Variants in ABCB1 observed in about 807,000 individuals in gnomAD.
ABCB1 encodes ATP binding cassette subfamily B member 1.
A neutral mutation model predicts 142.0 loss-of-function variants in ABCB1; 69 were observed. The ratio of observed to expected loss-of-function variants is 0.49; its 90% CI spans 0.40 to 0.59. The LOEUF (loss-of-function observed/expected upper bound fraction) is 0.59, where lower values mean the gene tolerates loss of function less well. ABCB1 is among the 20% of genes least tolerant of loss of function. ABCB1 has a pLI of 0.00. For missense variants in ABCB1, 1,326 were observed against 1,554.7 expected (o/e 0.85, Z 2.47); for synonymous variants, 532 against 539.2 (o/e 0.99, Z 0.18).
chr7:87,613,257 C>CTTTTTTTT (rs67823385), intron 1 of ABCB1, among the ~76,000 whole-genome samples: 3,768 of 64,012 alleles, frequency 0.059, 10 homozygotes, highest in Middle Eastern at 0.13. Flanking sequence ...TCCTTTATTT[C>CTTTTTTTT]TTTTTTTTTT....
rs1010312205 is a variant in ABCB1, at chr7:87,549,265, T to C, written c.1725+83A>G. 100 of 1,561,526 alleles carry C rather than the reference T, an allele frequency of 6.4e-5. 1 individual carries two copies. The highest frequency in any genetic ancestry group is 4.6e-5 in the Non-Finnish European group (52 of 1,142,386). On this transcript the variant is annotated intron_variant, in intron 14 of 27. Coordinates refer to ENST00000622132, the MANE Select transcript of ABCB1 (RefSeq NM_001348946.2). ...CTAGAAGCTATCAGAAATTTCCTTT[T>C]CTAAGACCAATATTAACAAGAATTA...
At chr7:87,570,145 A>G (rs200223027) in intron 5 of ABCB1, 27 bp downstream of exon 5, 33 of 1,602,218 alleles carry the variant, frequency 2.1e-5, no homozygotes, top group Non-Finnish European at 2.8e-5. Flanking sequence ...GAAAAACTTA[A>G]CAATAGTAAG....
At chr7:87,575,769 C>G (rs1818246239) in intron 4 of ABCB1, among the ~76,000 whole-genome samples, 1 of 152,118 alleles carries the variant, frequency 6.6e-6, no homozygotes, top group South Asian at 2.1e-4. Context: ...GTTTATATAC[C>G]TCTGGCCTGA....
chr7:87,576,458 T>G (rs1296074875), intron 4 of ABCB1, among the ~76,000 whole-genome samples: 3 of 149,486 alleles, frequency 2.0e-5, no homozygotes, highest in Non-Finnish European at 4.4e-5. Context: ...TATATGTAAG[T>G]ATATATAGAT....
At position 87,595,400 on chromosome 7, in the gene ABCB1, T is replaced by C. The variant is rs28381815; in HGVS notation, c.117+366A>G. ...ATAAATAATCCATTGCTAACTTTTA[T>C]TGATAGCAACTGACTTTGACCTAAA... On this transcript the variant is annotated intron_variant, in intron 3 of 27. Coordinates refer to ENST00000622132, the MANE Select transcript of ABCB1 (RefSeq NM_001348946.2). Among the ~76,000 whole-genome samples, 110 of 152,208 alleles carry C rather than the reference T, an allele frequency of 7.2e-4. No homozygotes were observed. The Middle Eastern group carries it at 0.014, about 19-fold the overall frequency.
At chr7:87,520,166 A>G (rs1444942496) in intron 22 of ABCB1, among the ~76,000 whole-genome samples, 4 of 152,164 alleles carry the variant, frequency 2.6e-5, no homozygotes, top group Admixed American at 6.5e-5. Flanking sequence ...TACCTTCATC[A>G]CATATGAAGA....
At chr7:87,642,410 T>A (rs1444968184) in intron 1 of ABCB1, among the ~76,000 whole-genome samples, 2 of 152,098 alleles carry the variant, frequency 1.3e-5, no homozygotes, top group Non-Finnish European at 2.9e-5. Context: ...GTATTCTATT[T>A]GAATATTTTC....
intron 3 of ABCB1, among the ~76,000 whole-genome samples, chr7:87,592,167 A>G (rs1366320162): frequency 2.0e-5 from 3 of 152,202 alleles, no homozygotes; most frequent in African/African-American, 7.2e-5. Flanking sequence ...CATGAAGGGC[A>G]TCAGTGCCTT....
chr7:87,562,687 A>G (rs951943492), intron 7 of ABCB1, among the ~76,000 whole-genome samples: 1 of 151,854 alleles, frequency 6.6e-6, no homozygotes, highest in Non-Finnish European at 1.5e-5. Context: ...ATGACCTTCC[A>G]TCATTATAAG....
intron 1 of ABCB1, chr7:87,650,970 C>T: frequency 8.0e-7 from 1 of 1,247,890 alleles, no homozygotes; most frequent in Non-Finnish European, 1.2e-6. Flanking sequence ...TATTTTCCCA[C>T]CAGCTGTCTT....
chr7:87,630,027 A>G (rs1448643753), intron 1 of ABCB1, among the ~76,000 whole-genome samples: 2 of 152,206 alleles, frequency 1.3e-5, no homozygotes, highest in Non-Finnish European at 2.9e-5. Flanking sequence ...GTATTAAGAA[A>G]AATTGAAACC....
At chr7:87,607,157 T>C (rs1819683808) in intron 1 of ABCB1, among the ~76,000 whole-genome samples, 1 of 152,196 alleles carries the variant, frequency 6.6e-6, no homozygotes, top group Non-Finnish European at 1.5e-5. Context: ...GGTCATCAAC[T>C]GTCTATATAA....
At chr7:87,598,184 T>A (rs1263962575) in intron 2 of ABCB1, among the ~76,000 whole-genome samples, 1 of 152,204 alleles carries the variant, frequency 6.6e-6, no homozygotes, top group Non-Finnish European at 1.5e-5. Flanking sequence ...ACATATTGAG[T>A]TCTATAAAAT....
At chr7:87,644,042 A>G (rs1822729734) in intron 1 of ABCB1, among the ~76,000 whole-genome samples, 1 of 152,074 alleles carries the variant, frequency 6.6e-6, no homozygotes, top group Admixed American at 6.5e-5. Flanking sequence ...TATTTTTAGT[A>G]GAGATGGAGT....
Position 87,550,186 on chromosome 7 carries a change from G to A in ABCB1, c.1335C>T (p.Asp445=). The A allele has an allele frequency of 6.2e-7, 1 of 1,614,190 alleles. No homozygotes were observed. Among genetic ancestry groups the A allele is most frequent in the Non-Finnish European group, 8.5e-7 (1 of 1,180,038 alleles). ...TTVQLMQRLY[D]PTEGMVSVDG... ...GTCATCTCACCATCCCCTCTGTGGGGTCATAGAGCCTCTGCATCAGCTGGA... is the reference window on the plus strand; with the variant it reads ...GTCATCTCACCATCCCCTCTGTGGGATCATAGAGCCTCTGCATCAGCTGGA... The change falls in exon 12 of 28, where the codon GAC becomes GAT. Residue 445 remains aspartate, a synonymous_variant. Coordinates refer to ENST00000622132, the MANE Select transcript of ABCB1 (RefSeq NM_001348946.2).
intron 4 of ABCB1, among the ~76,000 whole-genome samples, chr7:87,581,657 A>G (rs984334942): frequency 2.4e-4 from 36 of 152,186 alleles, no homozygotes; most frequent in African/African-American, 8.0e-4. Context: ...AAGTATTGGG[A>G]CGAGAAAACT....
chr7:87,506,621 G>A (rs1355419595), intron 26 of ABCB1, among the ~76,000 whole-genome samples: 2 of 152,058 alleles, frequency 1.3e-5, no homozygotes, highest in African/African-American at 2.4e-5. Context: ...TTTGTTGTTA[G>A]AGTGCTCCCA....
At chr7:87,560,076 C>T (rs1182571590) in intron 8 of ABCB1, among the ~76,000 whole-genome samples, 1 of 151,992 alleles carries the variant, frequency 6.6e-6, no homozygotes, top group Admixed American at 6.6e-5. Flanking sequence ...GGTGTATTAC[C>T]TATTTGATTA....
chr7:87,536,360 T>C, intron 20 of ABCB1, 98 bp downstream of exon 20: 1 of 1,046,914 alleles, frequency 9.6e-7, no homozygotes, highest in Non-Finnish European at 1.5e-6. Context: ...AACATTTTCT[T>C]AATGATGATA....
Sources: allele counts gnomAD v4.1 joint callset (sites outside exome capture counted in the v4.1 genomes callset), GRCh38; gene constraint gnomAD v4.1.1; transcripts MANE v1.5; gene names NCBI Gene and HGNC (gene_info 2026-07-23, HGNC 2026-07-21).